PKD2: variants seen among roughly 807,000 people sequenced by gnomAD.
PKD2 encodes polycystin-2.
Under a neutral mutation model 105.9 loss-of-function variants are expected in PKD2, and 48 were observed. The observed-to-expected ratio is 0.45, with a 90% CI of 0.36 to 0.58. PKD2 has a LOEUF of 0.58. Among genes scored for constraint, PKD2 ranks in the 20% least tolerant of loss-of-function variants. The probability of loss-of-function intolerance (pLI) is 0.00; values close to 1 mark genes in which losing one functional copy is unlikely to be tolerated. For missense variants in PKD2, 1,078 were observed against 1,255.3 expected (o/e 0.86, Z 2.13); for synonymous variants, 464 against 481.1 (o/e 0.96, Z 0.46).
At chr4:88,069,580 ATATT>A (rs1357022559) in intron 13 of PKD2, among the ~76,000 whole-genome samples, 2 of 151,936 alleles carry the variant, frequency 1.3e-5, no homozygotes, top group African/African-American at 4.8e-5. Flanking sequence ...TTTGTGCTAT[ATATT>A]CATCTATCTA....
At chr4:88,013,685 C>T (rs1269811648) in intron 1 of PKD2, among the ~76,000 whole-genome samples, 1 of 146,162 alleles carries the variant, frequency 6.8e-6, no homozygotes, top group African/African-American at 2.5e-5. Context: ...CTGGGTGACA[C>T]AGTGAGAGGT....
intron 5 of PKD2, 25 bp from the exon 6 acceptor site, chr4:88,046,617 T>C (rs1727781408): frequency 7.6e-7 from 1 of 1,317,898 alleles, no homozygotes; most frequent in Non-Finnish European, 1.1e-6. Flanking sequence ...TTGTTATTGT[T>C]TTAATTGTTC....
rs563410186 is a variant in PKD2 at position 88,028,708 on chromosome 4, C to T, written c.710-7512C>T. The stretch of plus-strand genomic sequence containing the variant: ...CTGCCACTGCCCAGCATTGCAAGGG[C>T]ATCAAACTGCCTATCACTAGCCTAG... On this transcript the variant is annotated intron_variant, in intron 2 of 14. Coordinates refer to ENST00000237596, the MANE Select transcript of PKD2 (RefSeq NM_000297.4). Among the ~76,000 whole-genome samples, 5 of 152,334 alleles carry T rather than the reference C, an allele frequency of 3.3e-5. No homozygotes were observed. The East Asian group carries it at 5.8e-4, about 18-fold the overall frequency.
In PKD2 at chr4:88,041,025, G is replaced by A. The variant is rs149290554; in HGVS notation, c.1095-2208G>A. On this transcript the variant is annotated intron_variant, in intron 4 of 14. Coordinates refer to ENST00000237596, the MANE Select transcript of PKD2 (RefSeq NM_000297.4). Reference sequence around the variant, plus strand: ...ACAGAAGAAACGTCCTTTCTTCACAGAGCTTGCATTCTAGTGATACAAGAC... The same window carrying A: ...ACAGAAGAAACGTCCTTTCTTCACAAAGCTTGCATTCTAGTGATACAAGAC... 3.3e-5 allele frequency among the ~76,000 whole-genome samples: 5 copies of A among 152,262 alleles called. No individual in the cohort carries two copies. The East Asian group carries it at 9.7e-4, about 29-fold the overall frequency.
intron 2 of PKD2, 68 bp downstream of exon 2, chr4:88,019,639 T>G: frequency 1.1e-6 from 1 of 873,440 alleles, no homozygotes; most frequent in Non-Finnish European, 2.0e-6. Context: ...AAATCATAAT[T>G]AAAAGGAAGT....
intron 4 of PKD2, among the ~76,000 whole-genome samples, chr4:88,039,600 G>T (rs1727478348): frequency 6.7e-6 from 1 of 149,294 alleles, no homozygotes; most frequent in African/African-American, 2.5e-5. Flanking sequence ...GAGTGGTGGG[G>T]GTTGCAGTGA....
intron 12 of PKD2, 34 bp downstream of exon 12, chr4:88,065,913 G>T (rs1255683715): frequency 1.7e-6 from 2 of 1,181,786 alleles, no homozygotes; most frequent in Middle Eastern, 1.9e-4. Flanking sequence ...GATTTGATTT[G>T]GTACCTACAA....
intron 2 of PKD2, among the ~76,000 whole-genome samples, chr4:88,026,489 T>G (rs1726961965): frequency 1.3e-5 from 2 of 152,290 alleles, no homozygotes; most frequent in South Asian, 4.1e-4. Flanking sequence ...AGAGATGGTT[T>G]GAAATTGGAA....
chr4:88,067,365 T>C (rs1004056784), intron 12 of PKD2, among the ~76,000 whole-genome samples: 1 of 152,188 alleles, frequency 6.6e-6, no homozygotes, highest in African/African-American at 2.4e-5. Context: ...TCTTTATTTA[T>C]TTTATTATTA....
At position 88,063,148 on chromosome 4, in the gene PKD2, G is replaced by C. The variant is rs558795377; in HGVS notation, c.2118+1144G>C. 6.6e-5 allele frequency among the ~76,000 whole-genome samples: 10 copies of C among 152,282 alleles called. No homozygotes were observed. The South Asian group carries it at 1.9e-3, about 28-fold the overall frequency. On this transcript the variant is annotated intron_variant, in intron 10 of 14. Transcript: ENST00000237596. ...CACTATTTTCAGTCTGTTACTAATT[G>C]GTCACTGAGCATCTGCTATCCAATT...
chr4:88,027,805 G>T (rs541857153), intron 2 of PKD2, among the ~76,000 whole-genome samples: 4 of 126,602 alleles, frequency 3.2e-5, no homozygotes, highest in South Asian at 5.9e-4. Context: ...GTTCTCATGA[G>T]ATCTGGTTTT....
chr4:88,052,265 A>C (rs1720133383), intron 7 of PKD2, 107 bp downstream of exon 7: 1 of 746,074 alleles, frequency 1.3e-6, no homozygotes, highest in Non-Finnish European at 2.3e-6. Flanking sequence ...GTGACCAGCC[A>C]AAGCTGCTCA....
chr4:88,063,195 G>A (rs188887520), intron 10 of PKD2, among the ~76,000 whole-genome samples: 4 of 152,324 alleles, frequency 2.6e-5, no homozygotes, highest in Admixed American at 2.0e-4. Context: ...AAAGCATGTA[G>A]TGTTGCTTCC....
At chr4:88,063,307 G>A (rs139877912) in intron 10 of PKD2, among the ~76,000 whole-genome samples, 6 of 152,304 alleles carry the variant, frequency 3.9e-5, no homozygotes, top group Middle Eastern at 3.4e-3. Context: ...CAAGGCGGAT[G>A]GATCACCTGA....
rs183615142 is a variant in PKD2 at position 88,024,669 on chromosome 4, A to G, written c.709+5098A>G. ...GAAATCACAAAAGTTAGCTGAGTCAACATTGTAGAAACATAATATTTCTGT... is the reference window on the plus strand; with the variant it reads ...GAAATCACAAAAGTTAGCTGAGTCAGCATTGTAGAAACATAATATTTCTGT... On this transcript the variant is annotated intron_variant, in intron 2 of 14. Transcript: ENST00000237596. 1.6e-3 allele frequency among the ~76,000 whole-genome samples: 239 copies of G among 152,240 alleles called. 1 individual carries two copies. The highest frequency in any genetic ancestry group is 5.4e-3 in the African/African-American group (226 of 41,576).
Position 88,067,512 on chromosome 4 carries a change from T to G in PKD2, c.2359-386T>G, listed in dbSNP as rs574881287. Among the ~76,000 whole-genome samples the G allele has an allele frequency of 2.0e-4, 30 of 152,144 alleles. No homozygotes were observed. The South Asian group carries it at 3.7e-3, about 19-fold the overall frequency. On this transcript the variant is annotated intron_variant, in intron 12 of 14. Transcript: ENST00000237596. The stretch of plus-strand genomic sequence containing the variant: ...ATGCCTGGCTAATTTTTTAAAAAAT[T>G]TTTTGTGGAGGCAGAGTCTCACCTT...
chr4:88,053,734 A>G (rs1044425079), intron 7 of PKD2, among the ~76,000 whole-genome samples: 3 of 152,158 alleles, frequency 2.0e-5, no homozygotes, highest in African/African-American at 7.2e-5. Flanking sequence ...GTTCAAGAGA[A>G]ACCATCACTA....
intron 3 of PKD2, among the ~76,000 whole-genome samples, chr4:88,037,118 CTA>C (rs1367313193): frequency 1.3e-5 from 2 of 152,158 alleles, no homozygotes; most frequent in Non-Finnish European, 2.9e-5. Flanking sequence ...GCAGTCCCAG[CTA>C]CTCAGGAGGC....
chr4:88,069,560 C>T (rs1353967735), intron 13 of PKD2, among the ~76,000 whole-genome samples: 1 of 151,612 alleles, frequency 6.6e-6, no homozygotes, highest in East Asian at 1.9e-4. Context: ...CTTTTTTCCT[C>T]TTCCCTCTTT....
Sources: gnomAD v4.1 joint callset for allele counts (sites outside exome capture counted in the v4.1 genomes callset) on GRCh38, gnomAD v4.1.1 for gene constraint, MANE v1.5 for transcripts, NCBI Gene and HGNC (gene_info 2026-07-23, HGNC 2026-07-21) for gene names.